Variants in RAD54L2 observed in about 807,000 individuals in gnomAD.
RAD54L2 encodes the protein helicase ARIP4.
Under a neutral mutation model 138.4 loss-of-function variants are expected in RAD54L2, and 27 were observed. The ratio of observed to expected loss-of-function variants is 0.20; its 90% CI spans 0.14 to 0.27. RAD54L2 has a LOEUF of 0.27. Ranked by LOEUF, RAD54L2 falls within the 10% of genes least tolerant of loss-of-function variation. RAD54L2 has a pLI of 1.00. For missense variants in RAD54L2, 1,396 were observed against 1,890.2 expected (o/e 0.74, Z 4.85); for synonymous variants, 644 against 723.2 (o/e 0.89, Z 1.76).
chr3:51,623,791 C>A (rs930227273), intron 3 of RAD54L2, among the ~76,000 whole-genome samples: 19 of 151,620 alleles, frequency 1.3e-4, no homozygotes, highest in African/African-American at 4.6e-4. Context: ...CTGGCTAACA[C>A]GGTGAAACCC....
intron 3 of RAD54L2, among the ~76,000 whole-genome samples, chr3:51,622,349 T>G (rs993771035): frequency 6.6e-6 from 1 of 152,162 alleles, no homozygotes; most frequent in African/African-American, 2.4e-5. Flanking sequence ...GCCTCTGCTT[T>G]CTTTGGGAGG....
At chr3:51,595,039 T>C (rs1165726712) in intron 3 of RAD54L2, among the ~76,000 whole-genome samples, 1 of 151,876 alleles carries the variant, frequency 6.6e-6, no homozygotes, top group Non-Finnish European at 1.5e-5. Context: ...TGATTTTTTG[T>C]ATTTTCAGTA....
chr3:51,587,131 C>T (rs916080063), intron 2 of RAD54L2, among the ~76,000 whole-genome samples: 3 of 150,892 alleles, frequency 2.0e-5, no homozygotes, highest in African/African-American at 2.4e-5. Flanking sequence ...ATGGGAGTCT[C>T]GCTGTGTCGC....
At chr3:51,634,062 C>T (rs1467379879) in intron 9 of RAD54L2, 27 bp downstream of exon 9, 2 of 1,606,330 alleles carry the variant, frequency 1.2e-6, no homozygotes, top group Non-Finnish European at 1.7e-6. Context: ...TTCCTCTCTG[C>T]CCCTTTCCTT....
chr3:51,628,214 C>T (rs1258875628), intron 4 of RAD54L2, among the ~76,000 whole-genome samples: 1 of 151,914 alleles, frequency 6.6e-6, no homozygotes, highest in East Asian at 1.9e-4. Context: ...TATCCAAATC[C>T]CCAACAGTTC....
At chr3:51,605,878 AAT>A (rs1344653493) in intron 3 of RAD54L2, among the ~76,000 whole-genome samples, 1 of 152,248 alleles carries the variant, frequency 6.6e-6, no homozygotes, top group Non-Finnish European at 1.5e-5. Flanking sequence ...GCAGTGTGGT[AAT>A]GTTGGGCACA....
intron 3 of RAD54L2, among the ~76,000 whole-genome samples, chr3:51,595,725 A>G (rs1286843408): frequency 1.3e-5 from 2 of 152,070 alleles, no homozygotes; most frequent in African/African-American, 4.8e-5. Flanking sequence ...ACATGTTGTG[A>G]GACATTTTGG....
intron 2 of RAD54L2, among the ~76,000 whole-genome samples, chr3:51,544,858 C>T (rs1444173464): frequency 1.3e-5 from 2 of 152,094 alleles, no homozygotes; most frequent in African/African-American, 4.8e-5. Flanking sequence ...ATCTTGGCCT[C>T]CCAAAATGCT....
At chr3:51,583,077 A>G (rs61452834) in intron 2 of RAD54L2, among the ~76,000 whole-genome samples, 3,067 of 152,198 alleles carry the variant, frequency 0.02, 107 homozygotes, top group African/African-American at 0.07. Context: ...GAATGTTAAT[A>G]TATCTTAAAA....
rs1018614871 is a variant in RAD54L2 at position 51,665,218 on chromosome 3, A to C, written c.*1798A>C. 1.3e-5 allele frequency: 2 copies of C among 151,658 alleles called. No individual in the cohort carries two copies. Among genetic ancestry groups the C allele is most frequent in the East Asian group, 3.9e-4 (2 of 5,160 alleles). The allele number at this position is 151,658 out of a possible 1,614,324, so 9.4% of individuals were successfully genotyped here. A position where few individuals can be genotyped will look rare whatever the true frequency, so the allele number is the denominator to read the frequency against. On this transcript the variant is annotated 3_prime_UTR_variant, in exon 23 of 23. Coordinates refer to ENST00000684192, the MANE Select transcript of RAD54L2 (RefSeq NM_015106.4). ...GCCAGACAGTTCTTTATGATGAACA[A>C]ACTTTGGCTTTAGAGCTTTACCACT...
intron 1 of RAD54L2, among the ~76,000 whole-genome samples, chr3:51,540,909 C>T (rs2108681474): frequency 6.6e-6 from 1 of 152,048 alleles, no homozygotes; most frequent in South Asian, 2.1e-4. Flanking sequence ...GGTGGGGTGG[C>T]ATGTGCCTGT....
At chr3:51,581,621 A>G (rs1428824674) in intron 2 of RAD54L2, among the ~76,000 whole-genome samples, 2 of 152,098 alleles carry the variant, frequency 1.3e-5, no homozygotes, top group Non-Finnish European at 2.9e-5. Flanking sequence ...AAGCACCCAG[A>G]CTGAGCTCTG....
chr3:51,640,200 C>A (rs1252150340), intron 14 of RAD54L2, among the ~76,000 whole-genome samples: 1 of 152,096 alleles, frequency 6.6e-6, no homozygotes, highest in East Asian at 1.9e-4. Flanking sequence ...TAGGTTAGCA[C>A]TGGAGTCTAA....
At chr3:51,659,899 G>C (rs1165975491) in intron 21 of RAD54L2, 127 bp from the exon 22 acceptor site, 1 of 566,086 alleles carries the variant, frequency 1.8e-6, no homozygotes, top group Non-Finnish European at 3.2e-6. Flanking sequence ...CTTATTTCAG[G>C]GGTCTTGGGA....
At chr3:51,607,219 A>G (rs1276911537) in intron 3 of RAD54L2, among the ~76,000 whole-genome samples, 4 of 151,568 alleles carry the variant, frequency 2.6e-5, no homozygotes, top group Admixed American at 1.3e-4. Context: ...CATGTGAACA[A>G]AGGTCTCTGG....
At chr3:51,643,031 CTTTTTT>C (rs1212581275) in intron 15 of RAD54L2, among the ~76,000 whole-genome samples, 2 of 113,208 alleles carry the variant, frequency 1.8e-5, no homozygotes, top group Non-Finnish European at 3.5e-5. Context: ...TAACTGAAGT[CTTTTTT>C]TTTTTTTTTT....
At chr3:51,580,790 G>A (rs979081802) in intron 2 of RAD54L2, among the ~76,000 whole-genome samples, 2 of 152,176 alleles carry the variant, frequency 1.3e-5, no homozygotes, top group Non-Finnish European at 2.9e-5. Context: ...GAGAAGCAGA[G>A]CCAAAAGAGT....
intron 3 of RAD54L2, among the ~76,000 whole-genome samples, chr3:51,606,461 G>C (rs1230043047): frequency 6.6e-6 from 1 of 151,934 alleles, no homozygotes; most frequent in Admixed American, 6.6e-5. Context: ...TTTTTTCCTT[G>C]ATGGTGACAT....
chr3:51,664,635 A>G lies in RAD54L2; in HGVS notation c.*1215A>G, dbSNP rs976953263. 6 of 152,180 alleles carry G rather than the reference A, an allele frequency of 3.9e-5. No homozygotes were observed. The highest frequency in any genetic ancestry group is 8.8e-5 in the Non-Finnish European group (6 of 68,030). 9.4% of individuals were successfully genotyped at this position (152,180 alleles called of 1,614,324 possible). A position where few individuals can be genotyped will look rare whatever the true frequency, so the allele number is the denominator to read the frequency against. On this transcript the variant is annotated 3_prime_UTR_variant, in exon 23 of 23. Coordinates refer to ENST00000684192, the MANE Select transcript of RAD54L2 (RefSeq NM_015106.4). Reference sequence around the variant, plus strand: ...CAGACCCTATAGCCACTGGTGAAAAACAATCCTGGATGGATGGTAAATTGA... The same window carrying G: ...CAGACCCTATAGCCACTGGTGAAAAGCAATCCTGGATGGATGGTAAATTGA...
Sources: gnomAD v4.1 joint callset for allele counts (sites outside exome capture counted in the v4.1 genomes callset) on GRCh38, gnomAD v4.1.1 for gene constraint, MANE v1.5 for transcripts, NCBI Gene and HGNC (gene_info 2026-07-23, HGNC 2026-07-21) for gene names.